Variants in ALOX5 observed in about 807,000 individuals in gnomAD.
ALOX5 encodes arachidonate 5-lipoxygenase.
ALOX5 carries 64 observed loss-of-function variants against 87.9 expected under a neutral mutation model. The ratio of observed to expected loss-of-function variants is 0.73; its 90% confidence interval spans 0.60 to 0.90. ALOX5 has a LOEUF of 0.90. Ranked by LOEUF, ALOX5 falls within the 40% of genes least tolerant of loss-of-function variation. The pLI is 0.00. For missense variants in ALOX5, 822 were observed against 907.5 expected, an observed-to-expected ratio of 0.91 and a Z score of 1.21; for synonymous variants, 388 against 355.1, an observed-to-expected ratio of 1.09 and a Z score of -1.04.
At chr10:45,378,281 C>T (rs573570554) in intron 1 of ALOX5, among the ~76,000 whole-genome samples, 1 of 152,326 alleles carries the variant, frequency 6.6e-6, no homozygotes, top group South Asian at 2.1e-4. Flanking sequence ...TTCTAGCTTC[C>T]GGTTCAGGGC....
At chr10:45,434,690 C>T (rs1248373128) in intron 7 of ALOX5, among the ~76,000 whole-genome samples, 1 of 152,224 alleles carries the variant, frequency 6.6e-6, no homozygotes, top group Non-Finnish European at 1.5e-5. Context: ...GCCTACTGTG[C>T]CAGCATGGGG....
At chr10:45,430,955 A>G (rs1180740364) in intron 7 of ALOX5, among the ~76,000 whole-genome samples, 1 of 152,230 alleles carries the variant, frequency 6.6e-6, no homozygotes, top group Non-Finnish European at 1.5e-5. Flanking sequence ...CAAGTATTAA[A>G]TAAAGATTTA....
chr10:45,417,961 T>C (rs1215166596), intron 4 of ALOX5, among the ~76,000 whole-genome samples: 1 of 152,162 alleles, frequency 6.6e-6, no homozygotes, highest in East Asian at 1.9e-4. Flanking sequence ...ACCCTGCCCT[T>C]GGCCCCAGAA....
chr10:45,395,367 AAC>A (rs1840459014), intron 2 of ALOX5, among the ~76,000 whole-genome samples: 1 of 152,198 alleles, frequency 6.6e-6, no homozygotes, highest in African/African-American at 2.4e-5. Flanking sequence ...CAAAAAAACA[AAC>A]ACTACATGTT....
At chr10:45,414,822 A>G (rs144421264) in intron 4 of ALOX5, among the ~76,000 whole-genome samples, 1,540 of 152,374 alleles carry the variant, frequency 0.01, 22 homozygotes, top group African/African-American at 0.035. Flanking sequence ...CAGCCAATAG[A>G]CACATGAAGA....
intron 13 of ALOX5, 110 bp downstream of exon 13, chr10:45,444,396 C>T: frequency 7.2e-7 from 1 of 1,385,626 alleles, no homozygotes; most frequent in Non-Finnish European, 9.5e-7. Context: ...GCAAAGGAAT[C>T]CTGACTTCCA....
intron 7 of ALOX5, among the ~76,000 whole-genome samples, chr10:45,428,986 T>C (rs947395744): frequency 2.1e-4 from 32 of 152,040 alleles, no homozygotes; most frequent in African/African-American, 7.7e-4. Flanking sequence ...GTGGAGGACC[T>C]GCCCTGGGAT....
chr10:45,375,416 C>T (rs918479251), intron 1 of ALOX5, among the ~76,000 whole-genome samples: 1 of 152,176 alleles, frequency 6.6e-6, no homozygotes, highest in South Asian at 2.1e-4. Context: ...TGGTAATAGT[C>T]CCAGACATAC....
At chr10:45,393,574 A>G (rs987023145) in intron 2 of ALOX5, among the ~76,000 whole-genome samples, 1 of 152,234 alleles carries the variant, frequency 6.6e-6, no homozygotes. Context: ...CACCACTCCT[A>G]TTCAACATAG....
At chr10:45,390,265 A>G (rs536702155) in intron 2 of ALOX5, among the ~76,000 whole-genome samples, 1 of 152,346 alleles carries the variant, frequency 6.6e-6, no homozygotes, top group East Asian at 1.9e-4. Context: ...CCCCACTGTC[A>G]ACATTAGACA....
intron 4 of ALOX5, among the ~76,000 whole-genome samples, chr10:45,418,040 G>A (rs1358310266): frequency 1.3e-5 from 2 of 152,332 alleles, no homozygotes; most frequent in African/African-American, 2.4e-5. Flanking sequence ...ATTGGCAGGA[G>A]CAGAGCGAAG....
chr10:45,388,128 A>G (rs190770429), intron 2 of ALOX5, among the ~76,000 whole-genome samples: 324 of 152,350 alleles, frequency 2.1e-3, no homozygotes, highest in Non-Finnish European at 3.7e-3. Flanking sequence ...ACAGCATACC[A>G]GGAGATTATA....
At chr10:45,405,942 C>T (rs190714671) in intron 3 of ALOX5, among the ~76,000 whole-genome samples, 68 of 152,220 alleles carry the variant, frequency 4.5e-4, no homozygotes, top group Non-Finnish European at 9.1e-4. Context: ...GTGGAACTCT[C>T]CCGGTAGCAT....
At chr10:45,384,495 G>C (rs891237001) in intron 2 of ALOX5, among the ~76,000 whole-genome samples, 48 of 152,196 alleles carry the variant, frequency 3.2e-4, no homozygotes, top group African/African-American at 1.1e-3. Flanking sequence ...ATCAGCTGAA[G>C]GGGGCTGGGC....
chr10:45,427,381 C>T (rs1472201760), intron 6 of ALOX5, among the ~76,000 whole-genome samples: 1 of 152,224 alleles, frequency 6.6e-6, no homozygotes, highest in Non-Finnish European at 1.5e-5. Context: ...CCCTGAGTGC[C>T]TCCGCGGGGA....
chr10:45,377,374 C>A (rs896484559), intron 1 of ALOX5, among the ~76,000 whole-genome samples: 3 of 151,684 alleles, frequency 2.0e-5, no homozygotes, highest in African/African-American at 7.3e-5. Context: ...CCCCTGCTCC[C>A]AGTTCCCTAA....
Position 45,443,312 on chromosome 10 carries a change from G to A in ALOX5, c.1451+96G>A. ...GGCCCCTCCACCGCTAGCGCTGAAT[G>A]GGGACGGGGTGGGGGAGTCCCAGCG... On this transcript the variant is annotated intron_variant, in intron 10 of 13. Coordinates refer to ENST00000374391, the MANE Select transcript of ALOX5 (RefSeq NM_000698.5). 4.4e-6 allele frequency: 7 copies of A among 1,580,730 alleles called. No individual in the cohort carries two copies. The South Asian group carries it at 7.0e-5, about 16-fold the overall frequency.
At chr10:45,378,980 T>A (rs1219188402) in intron 1 of ALOX5, among the ~76,000 whole-genome samples, 1 of 152,108 alleles carries the variant, frequency 6.6e-6, no homozygotes, top group East Asian at 1.9e-4. Flanking sequence ...TGCCTGCAGG[T>A]GTAGGTAGGG....
intron 2 of ALOX5, among the ~76,000 whole-genome samples, chr10:45,388,162 C>G (rs1840068645): frequency 1.3e-5 from 2 of 152,202 alleles, no homozygotes; most frequent in Admixed American, 1.3e-4. Context: ...TCGGAGGGTC[C>G]CATGCCCACA....
Sources: gnomAD v4.1 joint callset for allele counts (sites outside exome capture counted in the v4.1 genomes callset) on GRCh38, gnomAD v4.1.1 for gene constraint, MANE v1.5 for transcripts, NCBI Gene and HGNC (gene_info 2026-07-23, HGNC 2026-07-21) for gene names.